FAM117B: variants seen among roughly 807,000 people sequenced by gnomAD.
FAM117B encodes the protein family with sequence similarity 117 member B.
In FAM117B, 22 loss-of-function variants were observed where a neutral mutation model predicts 52.8. The ratio of observed to expected loss-of-function variants is 0.42; its 90% CI spans 0.30 to 0.59. The LOEUF is 0.59. FAM117B is among the 20% of genes least tolerant of loss of function. FAM117B has a pLI of 0.22. For missense variants in FAM117B, 678 were observed against 802.6 expected, an observed-to-expected ratio of 0.84 and a Z score of 1.88; for synonymous variants, 309 against 324.1, an observed-to-expected ratio of 0.95 and a Z score of 0.50.
chr2:202,727,234 A>G (rs1394124995), intron 4 of FAM117B, among the ~76,000 whole-genome samples: 1 of 152,184 alleles, frequency 6.6e-6, no homozygotes, highest in Non-Finnish European at 1.5e-5. Flanking sequence ...AGGTAGAGGG[A>G]AACTAGAAGA....
chr2:202,702,571 TGA>T (rs1690810481), intron 2 of FAM117B, among the ~76,000 whole-genome samples: 1 of 152,168 alleles, frequency 6.6e-6, no homozygotes, highest in African/African-American at 2.4e-5. Flanking sequence ...CATTTTTTTT[TGA>T]GACGGAATCT....
At chr2:202,701,878 A>G (rs1313351203) in intron 2 of FAM117B, among the ~76,000 whole-genome samples, 1 of 152,240 alleles carries the variant, frequency 6.6e-6, no homozygotes, top group Admixed American at 6.5e-5. Flanking sequence ...CCTGGTGAAG[A>G]TGTGGTGAAT....
At chr2:202,739,363 C>T (rs528576744) in intron 4 of FAM117B, among the ~76,000 whole-genome samples, 1 of 151,628 alleles carries the variant, frequency 6.6e-6, no homozygotes, top group Admixed American at 6.6e-5. Flanking sequence ...TCTTCCTTTC[C>T]TTTTCCTTTT....
intron 4 of FAM117B, among the ~76,000 whole-genome samples, chr2:202,734,299 A>G (rs1279789785): frequency 1.3e-5 from 2 of 152,078 alleles, no homozygotes; most frequent in African/African-American, 4.8e-5. Flanking sequence ...AGGTGGGGGG[A>G]TTACTTGAGC....
At chr2:202,721,911 C>T (rs989992131) in intron 2 of FAM117B, among the ~76,000 whole-genome samples, 12 of 151,940 alleles carry the variant, frequency 7.9e-5, no homozygotes, top group African/African-American at 2.9e-4. Context: ...TGGGATTAGC[C>T]ATGCATAAGC....
Position 202,635,448 on chromosome 2 carries a change from C to A in FAM117B, c.261C>A (p.Thr87=). Residue 87 remains threonine (T), a synonymous_variant, in exon 1 of 8, where the codon ACC becomes ACA. Transcript: ENST00000392238. ...GCGGCGGCGGCGGTGGCCCGCGCACCGCCTCGCGCAGCACCAGCCCCACGC... is the reference window on the plus strand; with the variant it reads ...GCGGCGGCGGCGGTGGCCCGCGCACAGCCTCGCGCAGCACCAGCCCCACGC... The part of the protein sequence containing the change: ...AGGGGGGGPR[T]ASRSTSPTRG... 2 of 1,181,262 alleles carry A rather than the reference C, an allele frequency of 1.7e-6. No homozygotes were observed. Among genetic ancestry groups the A allele is most frequent in the Non-Finnish European group, 2.1e-6 (2 of 957,932 alleles). The allele number at this position is 1,181,262 out of a possible 1,614,324, so 73.2% of individuals were successfully genotyped here.
intron 2 of FAM117B, 88 bp downstream of exon 2, chr2:202,696,120 C>A: frequency 7.3e-7 from 1 of 1,363,952 alleles, no homozygotes; most frequent in East Asian, 2.4e-5. Context: ...GTAGAACAAA[C>A]ATTTAGTGTA....
At chr2:202,648,342 T>G (rs1342874966) in intron 1 of FAM117B, among the ~76,000 whole-genome samples, 1 of 152,054 alleles carries the variant, frequency 6.6e-6, no homozygotes, top group African/African-American at 2.4e-5. Flanking sequence ...AAACCCCGTC[T>G]CTACTAAAAT....
intron 4 of FAM117B, among the ~76,000 whole-genome samples, chr2:202,735,961 G>T (rs998037728): frequency 6.6e-6 from 1 of 152,088 alleles, no homozygotes; most frequent in Non-Finnish European, 1.5e-5. Flanking sequence ...AAGTGTGTGG[G>T]TGTTTTGTGG....
In FAM117B at chr2:202,635,394, C is replaced by T; in HGVS notation, c.207C>T (p.Cys69=). ...GGGGGNNNGG[C]CGGASGPAGG... The stretch of plus-strand genomic sequence containing the variant: ...GCGGCGGCAACAACAACGGTGGCTG[C>T]TGTGGTGGCGCCTCAGGCCCCGCAG... The change falls in exon 1 of 8, where the codon TGC becomes TGT. Residue 69 remains cysteine, a synonymous_variant. Transcript: ENST00000392238. The T allele has an allele frequency of 1.5e-6, 2 of 1,311,356 alleles. No individual in the cohort carries two copies. Among genetic ancestry groups the T allele is most frequent in the South Asian group, 2.3e-5 (1 of 44,268 alleles). The allele number at this position is 1,311,356 out of a possible 1,614,324, so 81.2% of individuals were successfully genotyped here. A position where few individuals can be genotyped will look rare whatever the true frequency, so the allele number is the denominator to read the frequency against.
chr2:202,713,098 G>T (rs1690983065), intron 2 of FAM117B, among the ~76,000 whole-genome samples: 1 of 152,154 alleles, frequency 6.6e-6, no homozygotes, highest in African/African-American at 2.4e-5. Flanking sequence ...GTTTTAGTAG[G>T]ATTGGTGTTA....
Position 202,767,295 on chromosome 2 carries a change from G to A in FAM117B, c.*1531G>A, listed in dbSNP as rs942097441. ...CCTGCCTCAGCCTCCCAAGTAGCTG[G>A]GATTACAGGCATGCACCACCACACC... On this transcript the variant is annotated 3_prime_UTR_variant, in exon 8 of 8. Coordinates refer to ENST00000392238, the MANE Select transcript of FAM117B (RefSeq NM_173511.4). The A allele has an allele frequency of 1.3e-5, 2 of 151,778 alleles. No individual in the cohort carries two copies. The highest frequency in any genetic ancestry group is 6.6e-5 in the Admixed American group (1 of 15,132). 9.4% of individuals were successfully genotyped at this position (151,778 alleles called of 1,614,324 possible). A position where few individuals can be genotyped will look rare whatever the true frequency, so the allele number is the denominator to read the frequency against.
chr2:202,741,196 C>T (rs1240383036), intron 4 of FAM117B, among the ~76,000 whole-genome samples: 5 of 151,782 alleles, frequency 3.3e-5, no homozygotes, highest in South Asian at 2.1e-4. Flanking sequence ...CTAAGGCAGG[C>T]GGATCACGAG....
At chr2:202,652,562 A>AG in intron 1 of FAM117B, among the ~76,000 whole-genome samples, 1 of 152,328 alleles carries the variant, frequency 6.6e-6, no homozygotes, top group Admixed American at 6.5e-5. Flanking sequence ...ATTACCGAAA[A>AG]GAGTAGTACT....
chr2:202,644,456 T>A (rs1689831409), intron 1 of FAM117B, among the ~76,000 whole-genome samples: 1 of 152,074 alleles, frequency 6.6e-6, no homozygotes, highest in Non-Finnish European at 1.5e-5. Flanking sequence ...TCTTTTGGAG[T>A]CCCTCATCCT....
chr2:202,672,219 C>G (rs1007832493), intron 1 of FAM117B, among the ~76,000 whole-genome samples: 16 of 152,186 alleles, frequency 1.1e-4, no homozygotes, highest in Non-Finnish European at 5.9e-5. Context: ...GCCTCCCCCT[C>G]CTTTTTGTTT....
chr2:202,712,229 A>G (rs138863183), intron 2 of FAM117B, among the ~76,000 whole-genome samples: 13 of 151,998 alleles, frequency 8.6e-5, no homozygotes, highest in Non-Finnish European at 1.5e-4. Context: ...TCAGTGTTTT[A>G]CAGTTTTCAA....
intron 2 of FAM117B, among the ~76,000 whole-genome samples, chr2:202,721,467 T>TGAC (rs1691151069): frequency 6.6e-6 from 1 of 152,208 alleles, no homozygotes. Flanking sequence ...TATATCTTTA[T>TGAC]GACCATAGAG....
chr2:202,733,739 C>T (rs13407028), intron 4 of FAM117B, among the ~76,000 whole-genome samples: 11,997 of 152,056 alleles, frequency 0.079, 1,532 homozygotes, highest in African/African-American at 0.27. Flanking sequence ...GCACTGATTT[C>T]ATATTGTTCA....
Sources: gnomAD v4.1 joint callset for allele counts (sites outside exome capture counted in the v4.1 genomes callset) on GRCh38, gnomAD v4.1.1 for gene constraint, MANE v1.5 for transcripts, NCBI Gene and HGNC (gene_info 2026-07-23, HGNC 2026-07-21) for gene names.